The following HS3ST3B1 variants were observed in gnomAD, a reference collection of about 807,000 sequenced individuals.
HS3ST3B1 encodes the protein heparan sulfate glucosamine 3-O-sulfotransferase 3B1.
HS3ST3B1 carries 13 observed loss-of-function variants against 21.3 expected under a neutral mutation model. That is an observed-to-expected ratio of 0.61 (90% confidence interval 0.40 to 0.97). The LOEUF is 0.97. Among genes scored for constraint, HS3ST3B1 ranks in the 50% least tolerant of loss-of-function variants. The probability of loss-of-function intolerance (pLI) is 0.00; values close to 1 mark genes in which losing one functional copy is unlikely to be tolerated. For missense variants in HS3ST3B1, 459 were observed against 554.8 expected (o/e 0.83, Z 1.73); for synonymous variants, 234 against 254.8 (o/e 0.92, Z 0.78).
intron 1 of HS3ST3B1, among the ~76,000 whole-genome samples, chr17:14,310,609 G>A (rs1195855303): frequency 6.6e-6 from 1 of 152,204 alleles, no homozygotes; most frequent in Non-Finnish European, 1.5e-5. Flanking sequence ...TCTCCCTGGG[G>A]AGAGACACAC....
intron 1 of HS3ST3B1, among the ~76,000 whole-genome samples, chr17:14,322,687 A>T (rs1304089039): frequency 6.6e-6 from 1 of 152,034 alleles, no homozygotes; most frequent in Non-Finnish European, 1.5e-5. Context: ...AGATGGCCGA[A>T]ATCTAGAAAA....
In HS3ST3B1 at chr17:14,346,250, T is replaced by TC. The variant is rs1358077152; in HGVS notation, c.*604_*605insC. 7.9e-6 allele frequency: 1 copy of TC among 126,484 alleles called. No individual in the cohort carries two copies. The highest frequency in any genetic ancestry group is 1.7e-5 in the Non-Finnish European group (1 of 57,768). 7.8% of individuals were successfully genotyped at this position (126,484 alleles called of 1,614,324 possible). On this transcript the variant is annotated 3_prime_UTR_variant, in exon 2 of 2. Transcript: ENST00000360954. ...GACATCCACATCCTTTTTTTTTCTT[T>TC]TTTTTTTTTTTTTTTTTTTGAGATG...
In HS3ST3B1 at chr17:14,336,642, G is replaced by A. The variant is rs73257317; in HGVS notation, c.555-8386G>A. ...TCTTCTCAGCTGACCACTCTATTCT[G>A]GAGAGGAAAGGCAAGGGGCAGAGGC... On this transcript the variant is annotated intron_variant, in intron 1 of 1. Coordinates refer to ENST00000360954, the MANE Select transcript of HS3ST3B1 (RefSeq NM_006041.3). 8.3e-3 allele frequency among the ~76,000 whole-genome samples: 1,262 copies of A among 152,224 alleles called. 15 individuals carry two copies. The highest frequency in any genetic ancestry group is 0.029 in the African/African-American group (1,224 of 41,496).
chr17:14,319,315 T>A (rs1484907441), intron 1 of HS3ST3B1, among the ~76,000 whole-genome samples: 1 of 152,070 alleles, frequency 6.6e-6, no homozygotes, highest in East Asian at 1.9e-4. Flanking sequence ...TCAATAAGAG[T>A]GTATTGAGAG....
chr17:14,306,405 T>C (rs946333957), intron 1 of HS3ST3B1, among the ~76,000 whole-genome samples: 3 of 152,208 alleles, frequency 2.0e-5, no homozygotes, highest in African/African-American at 7.2e-5. Flanking sequence ...GGATGTGAGG[T>C]TAAATGACAC....
chr17:14,313,126 G>GTGTATATATATATATATATA (rs1567637239), intron 1 of HS3ST3B1, among the ~76,000 whole-genome samples: 2 of 48,786 alleles, frequency 4.1e-5, no homozygotes, highest in East Asian at 2.2e-3. Flanking sequence ...ATATATATGT[G>GTGTATATATATATATATATA]TGTGTGTGTA....
At position 14,303,403 on chromosome 17, in the gene HS3ST3B1, C is replaced by G. The variant is rs926866127; in HGVS notation, c.554+1331C>G. Among the ~76,000 whole-genome samples the G allele has an allele frequency of 6.6e-6, 1 of 152,204 alleles. No individual in the cohort carries two copies. Among genetic ancestry groups the G allele is most frequent in the African/African-American group, 2.4e-5 (1 of 41,446 alleles). ...GCTCCCTTCCCAGCCTCGTCCTACC[C>G]CTTCCCCTTTGTCCTTAATGGTTTT... On this transcript the variant is annotated intron_variant, in intron 1 of 1. Transcript: ENST00000360954. The surrounding 1 kb of genome is among the most constrained non-coding windows in gnomAD (Gnocchi z 5.7).
chr17:14,313,074 T>A (rs1252563202), intron 1 of HS3ST3B1, among the ~76,000 whole-genome samples: 1 of 84,012 alleles, frequency 1.2e-5, no homozygotes, highest in Non-Finnish European at 2.4e-5. Flanking sequence ...ACCCAGCTAA[T>A]TATTGTGTGT....
intron 1 of HS3ST3B1, chr17:14,305,174 T>C (rs1909091901): frequency 6.6e-6 from 1 of 152,286 alleles, no homozygotes; most frequent in Non-Finnish European, 1.5e-5. Context: ...TAGTACGCAC[T>C]GTCCATCCAC....
intron 1 of HS3ST3B1, among the ~76,000 whole-genome samples, chr17:14,320,695 C>T (rs1347783840): frequency 6.6e-6 from 1 of 152,148 alleles, no homozygotes; most frequent in African/African-American, 2.4e-5. Flanking sequence ...AGGTTGTGTT[C>T]CAGGTTCCAC....
At chr17:14,333,877 C>A (rs1022782647) in intron 1 of HS3ST3B1, among the ~76,000 whole-genome samples, 2 of 152,268 alleles carry the variant, frequency 1.3e-5, no homozygotes, top group Admixed American at 1.3e-4. Context: ...ATTCTCCTGC[C>A]TCAGCCTCCC....
chr17:14,329,210 T>G (rs573229171), intron 1 of HS3ST3B1: 46 of 152,220 alleles, frequency 3.0e-4, no homozygotes, highest in African/African-American at 1.1e-3. Flanking sequence ...TGCTTGCTTC[T>G]TTTTAGCAGC....
At chr17:14,331,568 C>A (rs1196783528) in intron 1 of HS3ST3B1, among the ~76,000 whole-genome samples, 3 of 151,952 alleles carry the variant, frequency 2.0e-5, no homozygotes, top group Non-Finnish European at 4.4e-5. Flanking sequence ...GAGGAGGGCT[C>A]GGGAGTCCAT....
At chr17:14,326,944 AAAGAAG>A (rs894298991) in intron 1 of HS3ST3B1, among the ~76,000 whole-genome samples, 3 of 148,022 alleles carry the variant, frequency 2.0e-5, no homozygotes, top group African/African-American at 7.7e-5. Flanking sequence ...AAAAAAAAAA[AAAGAAG>A]AAGAAGAAGA....
chr17:14,324,590 G>A (rs181332704), intron 1 of HS3ST3B1, among the ~76,000 whole-genome samples: 23 of 151,996 alleles, frequency 1.5e-4, no homozygotes, highest in Admixed American at 1.3e-4. Flanking sequence ...TACATATTTC[G>A]TTTATTTTTA....
At chr17:14,313,600 C>T (rs541859861) in intron 1 of HS3ST3B1, among the ~76,000 whole-genome samples, 6 of 152,200 alleles carry the variant, frequency 3.9e-5, no homozygotes, top group East Asian at 1.9e-4. Context: ...GACGAAGTTT[C>T]GCTCTTGTTG....
intron 1 of HS3ST3B1, among the ~76,000 whole-genome samples, chr17:14,315,298 C>T (rs1325227436): frequency 6.6e-6 from 1 of 152,208 alleles, no homozygotes; most frequent in Non-Finnish European, 1.5e-5. Flanking sequence ...TGTCCTATTG[C>T]ATGTGATGAG....
intron 1 of HS3ST3B1, chr17:14,329,282 C>T (rs1909904994): frequency 7.5e-6 from 1 of 133,246 alleles, no homozygotes; most frequent in South Asian, 2.3e-4. Context: ...TAATTGTGTG[C>T]CATGAGGAAA....
In HS3ST3B1 at chr17:14,347,146, G is replaced by C. The variant is rs73979334; in HGVS notation, c.*1500G>C. Reference sequence around the variant, plus strand: ...ACTAAGAGTGGCCCTTGCAAAAAAAGGTTGGGAAAGCTGGGCCCATATTGC... The same window carrying C: ...ACTAAGAGTGGCCCTTGCAAAAAAACGTTGGGAAAGCTGGGCCCATATTGC... On this transcript the variant is annotated 3_prime_UTR_variant, in exon 2 of 2. Coordinates refer to ENST00000360954, the MANE Select transcript of HS3ST3B1 (RefSeq NM_006041.3). 1.6e-4 allele frequency: 24 copies of C among 152,004 alleles called. No homozygotes were observed. Among genetic ancestry groups the C allele is most frequent in the African/African-American group, 5.8e-4 (24 of 41,574 alleles). 9.4% of individuals were successfully genotyped at this position (152,004 alleles called of 1,614,324 possible).
Sources: allele counts gnomAD v4.1 joint callset (sites outside exome capture counted in the v4.1 genomes callset), GRCh38; gene constraint gnomAD v4.1.1; non-coding constraint Gnocchi (gnomAD v3.1); transcripts MANE v1.5; gene names NCBI Gene and HGNC (gene_info 2026-07-23, HGNC 2026-07-21).